Variants in CACNA2D2 observed in about 807,000 individuals in gnomAD.
CACNA2D2 encodes the protein voltage-dependent calcium channel subunit alpha-2/delta-2.
Under a neutral mutation model 166.4 loss-of-function variants are expected in CACNA2D2, and 48 were observed. The observed-to-expected ratio is 0.29, with a 90% CI of 0.23 to 0.37. The LOEUF is 0.37. Ranked by LOEUF, CACNA2D2 falls within the 10% of genes least tolerant of loss-of-function variation. The pLI is 1.00. For missense variants in CACNA2D2, 1,122 were observed against 1,433.0 expected (o/e 0.78, Z 3.50); for synonymous variants, 561 against 573.7 (o/e 0.98, Z 0.32).
rs2109392833 is a variant in CACNA2D2, at chr3:50,364,422, C to G, written c.*244G>C. On this transcript the variant is annotated 3_prime_UTR_variant, in exon 38 of 38. Transcript: ENST00000424201. The stretch of plus-strand genomic sequence containing the variant: ...ATCCCACTGGGGGGAGCCCAGCAGG[C>G]AAGAAGGGTCTGGGGACACTTGAAC... 7 of 509,678 alleles carry G rather than the reference C, an allele frequency of 1.4e-5. No individual in the cohort carries two copies. Among genetic ancestry groups the G allele is most frequent in the Non-Finnish European group, 2.0e-5 (6 of 294,780 alleles). 31.6% of individuals were successfully genotyped at this position (509,678 alleles called of 1,614,324 possible).
chr3:50,379,032 G>A lies in CACNA2D2; in HGVS notation c.1261-39C>T, dbSNP rs1264071956. 2 of 1,612,128 alleles carry A rather than the reference G, an allele frequency of 1.2e-6. No homozygotes were observed. Among genetic ancestry groups the A allele is most frequent in the South Asian group, 1.1e-5 (1 of 91,044 alleles). On this transcript the variant is annotated intron_variant, in intron 12 of 37. Transcript: ENST00000424201. This position sits in a 1 kb window ranked among gnomAD's most constrained non-coding sequence, Gnocchi z 6.5. ...GAGGTTACTGCTGTGGCCACCAGGG[G>A]ACAGCCCTCTTCTGTACTGGGCCCA...
intron 2 of CACNA2D2, among the ~76,000 whole-genome samples, chr3:50,436,494 G>C (rs1410868508): frequency 1.3e-5 from 2 of 152,138 alleles, no homozygotes; most frequent in Admixed American, 6.5e-5. Context: ...CAGAGTGAGT[G>C]GGTCTCTAGG....
In CACNA2D2 at chr3:50,377,749, C is replaced by T. The variant is rs587697301; in HGVS notation, c.1534G>A (p.Gly512Ser). ...TTCCTCACCTTCTTTTCCCCAGGGC[C>T]ATCCTGTGTCAGGTTGAAAACAGGG... is the stretch of plus-strand genomic sequence containing the variant. ...TLPVFNLTQD[G>S]PGEKKNQLIL... The change falls in exon 16 of 38, where the codon GGC becomes AGC. Residue 512 changes from glycine (G) to serine (S), a missense_variant. Gly to Ser is a moderately conservative substitution (Grantham distance 56). Around this residue, in one of 2 missense-constraint regions of CACNA2D2, gnomAD observed 840 missense variants for 1,166.8 expected, o/e 0.72. Coordinates refer to ENST00000424201, the MANE Select transcript of CACNA2D2 (RefSeq NM_006030.4). The T allele has an allele frequency of 3.1e-6, 5 of 1,613,284 alleles. No individual in the cohort carries two copies. The highest frequency in any genetic ancestry group is 2.2e-5 in the East Asian group (1 of 44,874).
In CACNA2D2 at chr3:50,375,495, G is replaced by C; in HGVS notation, c.1907+149C>G. 1 of 754,700 alleles carries C rather than the reference G, an allele frequency of 1.3e-6. No homozygotes were observed. Among genetic ancestry groups the C allele is most frequent in the Non-Finnish European group, 2.2e-6 (1 of 462,360 alleles). 46.8% of individuals were successfully genotyped at this position (754,700 alleles called of 1,614,324 possible). A position where few individuals can be genotyped will look rare whatever the true frequency, so the allele number is the denominator to read the frequency against. Reference sequence around the variant, plus strand: ...TTAAAAGCCAGGGAGTCTCTTGGCAGACTAAGCATCTCAGGGTGAGTAGTG... The same window carrying C: ...TTAAAAGCCAGGGAGTCTCTTGGCACACTAAGCATCTCAGGGTGAGTAGTG... On this transcript the variant is annotated intron_variant, in intron 21 of 37. Transcript: ENST00000424201. This position sits in a 1 kb window ranked among gnomAD's most constrained non-coding sequence, Gnocchi z 4.0.
rs369467605 is a variant in CACNA2D2, at chr3:50,470,070, G to A, written c.288+6048C>T. ...CCACAGAAACCTGGGGGGCAACTCC[G>A]TGCTGAGGCTACTCAGAATCCCAGA... On this transcript the variant is annotated intron_variant, in intron 2 of 37. Coordinates refer to ENST00000424201, the MANE Select transcript of CACNA2D2 (RefSeq NM_006030.4). 3.3e-4 allele frequency among the ~76,000 whole-genome samples: 51 copies of A among 152,316 alleles called. 1 individual carries two copies. In the South Asian group the frequency reaches 8.1e-3, roughly 24 times the overall value.
chr3:50,437,612 CAGG>C, intron 2 of CACNA2D2, among the ~76,000 whole-genome samples: 1 of 152,186 alleles, frequency 6.6e-6, no homozygotes, highest in Non-Finnish European at 1.5e-5. Flanking sequence ...CCCAAATCCC[CAGG>C]AGATCTAAGT....
At chr3:50,482,790 G>A (rs1367891538) in intron 1 of CACNA2D2, among the ~76,000 whole-genome samples, 1 of 152,234 alleles carries the variant, frequency 6.6e-6, no homozygotes, top group African/African-American at 2.4e-5. Context: ...AGGAGCCCTG[G>A]GGAAGGGCAG....
chr3:50,484,957 C>T (rs1698216959), intron 1 of CACNA2D2, among the ~76,000 whole-genome samples: 1 of 152,186 alleles, frequency 6.6e-6, no homozygotes, highest in Non-Finnish European at 1.5e-5. Context: ...TGGTGGCTGC[C>T]CCAGGGCTGG....
intron 3 of CACNA2D2, among the ~76,000 whole-genome samples, chr3:50,433,918 T>C (rs928081795): frequency 6.6e-6 from 1 of 152,150 alleles, no homozygotes; most frequent in African/African-American, 2.4e-5. Context: ...GCCTGCAGCC[T>C]ACCTCAGGGG....
chr3:50,396,099 G>A (rs935737908), intron 3 of CACNA2D2, among the ~76,000 whole-genome samples: 9 of 152,072 alleles, frequency 5.9e-5, no homozygotes, highest in South Asian at 4.2e-4. Context: ...TCTCTACTCC[G>A]TGATGCCTCC....
chr3:50,451,501 C>A (rs1234307416), intron 2 of CACNA2D2, among the ~76,000 whole-genome samples: 1 of 152,076 alleles, frequency 6.6e-6, no homozygotes, highest in African/African-American at 2.4e-5. Flanking sequence ...GAAGTTCAGG[C>A]CCCTGAACCC....
rs374754389 is a variant in CACNA2D2 at position 50,488,634 on chromosome 3, T to C, written c.207-12435A>G. On this transcript the variant is annotated intron_variant, in intron 1 of 37. Coordinates refer to ENST00000424201, the MANE Select transcript of CACNA2D2 (RefSeq NM_006030.4). ...GAGCTCCCGCCTGCTGCAGCCCCTC[T>C]ACCACCCCCCTAGCAAGAAGTGCCC... is the stretch of plus-strand genomic sequence containing the variant. 3.0e-3 allele frequency among the ~76,000 whole-genome samples: 352 copies of C among 119,024 alleles called. 1 individual carries two copies. The highest frequency in any genetic ancestry group is 0.011 in the African/African-American group (342 of 30,976). 78.1% of individuals were successfully genotyped at this position (119,024 alleles called of 152,430 possible). A position where few individuals can be genotyped will look rare whatever the true frequency, so the allele number is the denominator to read the frequency against.
At chr3:50,381,981 TACACACACACACACACACACAC>T (rs34662551) in intron 6 of CACNA2D2, among the ~76,000 whole-genome samples, 33 of 133,348 alleles carry the variant, frequency 2.5e-4, no homozygotes, top group African/African-American at 8.5e-4. Flanking sequence ...GATCTATCCC[TACACACACACACACACACACAC>T]ACACACACAC....
chr3:50,401,739 T>C (rs1706462906), intron 3 of CACNA2D2, among the ~76,000 whole-genome samples: 1 of 152,138 alleles, frequency 6.6e-6, no homozygotes, highest in African/African-American at 2.4e-5. Context: ...GATGGAGTCT[T>C]GCTCTGTTGC....
chr3:50,375,518 G>C lies in CACNA2D2; in HGVS notation c.1907+126C>G. ...CAGACTAAGCATCTCAGGGTGAGTA[G>C]TGAGCAGCCCTGGCCACTGGTGCCC... On this transcript the variant is annotated intron_variant, in intron 21 of 37. Transcript: ENST00000424201. The surrounding 1 kb of genome is among the most constrained non-coding windows in gnomAD (Gnocchi z 4.0). 1 of 954,684 alleles carries C rather than the reference G, an allele frequency of 1.0e-6. No homozygotes were observed. The highest frequency in any genetic ancestry group is 1.6e-6 in the Non-Finnish European group (1 of 621,426). 59.1% of individuals were successfully genotyped at this position (954,684 alleles called of 1,614,324 possible).
intron 2 of CACNA2D2, among the ~76,000 whole-genome samples, chr3:50,451,551 C>G (rs1011050989): frequency 2.6e-5 from 4 of 152,220 alleles, no homozygotes; most frequent in African/African-American, 9.6e-5. Flanking sequence ...ACTGAGCAGG[C>G]TGAGCAGATA....
intron 2 of CACNA2D2, among the ~76,000 whole-genome samples, chr3:50,444,525 G>A (rs1708754099): frequency 6.6e-6 from 1 of 152,180 alleles, no homozygotes; most frequent in Admixed American, 6.5e-5. Flanking sequence ...GCTTTTCATG[G>A]GACCGCCTTC....
In CACNA2D2 at chr3:50,427,715, T is replaced by C. The variant is rs1707866709; in HGVS notation, c.405+6598A>G. Among the ~76,000 whole-genome samples, 2 of 152,174 alleles carry C rather than the reference T, an allele frequency of 1.3e-5. No homozygotes were observed. Among genetic ancestry groups the C allele is most frequent in the South Asian group, 4.1e-4 (2 of 4,826 alleles). On this transcript the variant is annotated intron_variant, in intron 3 of 37. Coordinates refer to ENST00000424201, the MANE Select transcript of CACNA2D2 (RefSeq NM_006030.4). The surrounding 1 kb of genome is among the most constrained non-coding windows in gnomAD (Gnocchi z 4.7). ...AGAGCTTCCCTAGTGTGGAGTCAGA[T>C]CCCAGAGGCTGAGCCCCAGCCACAA...
intron 3 of CACNA2D2, among the ~76,000 whole-genome samples, chr3:50,424,636 G>A (rs1707720889): frequency 6.6e-6 from 1 of 152,172 alleles, no homozygotes; most frequent in Non-Finnish European, 1.5e-5. Context: ...CTCAAGGGAG[G>A]GGCCTAGCAG....
Sources: gnomAD v4.1 joint callset for allele counts (sites outside exome capture counted in the v4.1 genomes callset) on GRCh38, gnomAD v4.1.1 for gene constraint, gnomAD v4.1.1 regional missense constraint, Gnocchi (gnomAD v3.1) non-coding constraint, MANE v1.5 for transcripts, NCBI Gene and HGNC (gene_info 2026-07-23, HGNC 2026-07-21) for gene names.